The following CORIN variants were observed in gnomAD, a reference collection of about 807,000 sequenced individuals.
The protein encoded by CORIN is corin, serine peptidase.
CORIN carries 117 observed loss-of-function variants against 125.3 expected under a neutral mutation model. The ratio of observed to expected loss-of-function variants is 0.93; its 90% confidence interval spans 0.80 to 1.09. CORIN has a LOEUF of 1.09. CORIN is among the 50% of genes least tolerant of loss of function. CORIN has a pLI of 0.00. For synonymous variants in CORIN, 450 were observed against 466.4 expected, an observed-to-expected ratio of 0.96 and a Z score of 0.45; for missense variants, 1,253 against 1,306.7, an observed-to-expected ratio of 0.96 and a Z score of 0.63.
At chr4:47,600,430 T>C in intron 20 of CORIN, 83 bp from the exon 21 acceptor site, 1 of 834,476 alleles carries the variant, frequency 1.2e-6, no homozygotes, top group Non-Finnish European at 1.7e-6. Flanking sequence ...AAATATGAAA[T>C]GCAAATATAA....
chr4:47,806,093 T>C (rs1265551542), intron 2 of CORIN, among the ~76,000 whole-genome samples: 1 of 152,228 alleles, frequency 6.6e-6, no homozygotes, highest in African/African-American at 2.4e-5. Context: ...ACTTGGTTTC[T>C]GGTTTTTACT....
At chr4:47,777,983 T>C (rs1349082819) in intron 3 of CORIN, among the ~76,000 whole-genome samples, 1 of 152,222 alleles carries the variant, frequency 6.6e-6, no homozygotes, top group African/African-American at 2.4e-5. Context: ...AAAAAGTAAA[T>C]TACATAGTTT....
At chr4:47,667,464 A>G (rs1053746643) in intron 10 of CORIN, among the ~76,000 whole-genome samples, 4 of 152,220 alleles carry the variant, frequency 2.6e-5, no homozygotes, top group African/African-American at 9.6e-5. Context: ...TCGCCCAGGC[A>G]GACCAAAGAC....
intron 1 of CORIN, among the ~76,000 whole-genome samples, chr4:47,836,080 T>C (rs1178519381): frequency 2.6e-5 from 4 of 152,160 alleles, no homozygotes; most frequent in African/African-American, 9.7e-5. Flanking sequence ...CCCAAAATAG[T>C]TCATCCTATT....
chr4:47,698,384 A>G (rs970575235), intron 5 of CORIN, among the ~76,000 whole-genome samples: 5 of 151,886 alleles, frequency 3.3e-5, no homozygotes, highest in Admixed American at 3.3e-4. Context: ...GATTCAAGGA[A>G]GAGCTAGTGC....
At chr4:47,705,974 A>G (rs1305579641) in intron 5 of CORIN, among the ~76,000 whole-genome samples, 1 of 152,272 alleles carries the variant, frequency 6.6e-6, no homozygotes, top group Admixed American at 6.5e-5. Flanking sequence ...ATGAATCCTC[A>G]TAAACCAATA....
At chr4:47,669,452 C>T (rs1221876702) in intron 10 of CORIN, among the ~76,000 whole-genome samples, 1 of 151,696 alleles carries the variant, frequency 6.6e-6, no homozygotes, top group Admixed American at 6.6e-5. Context: ...GGTGAACATC[C>T]TTATAACTAC....
chr4:47,739,785 T>C (rs1728305415), intron 5 of CORIN, among the ~76,000 whole-genome samples: 1 of 151,938 alleles, frequency 6.6e-6, no homozygotes, highest in Non-Finnish European at 1.5e-5. Flanking sequence ...TTTGTATACA[T>C]AATGGTACAA....
chr4:47,804,932 C>G (rs932277493), intron 2 of CORIN, among the ~76,000 whole-genome samples: 2 of 151,228 alleles, frequency 1.3e-5, no homozygotes, highest in East Asian at 3.9e-4. Context: ...GTCAGGAGAT[C>G]GAGACCATCC....
chr4:47,817,000 T>C (rs1271895487), intron 1 of CORIN, among the ~76,000 whole-genome samples: 1 of 152,190 alleles, frequency 6.6e-6, no homozygotes, highest in Admixed American at 6.5e-5. Flanking sequence ...TCAGCTTGAC[T>C]CTCTGGATAC....
intron 16 of CORIN, among the ~76,000 whole-genome samples, chr4:47,631,833 G>A (rs972578827): frequency 1.3e-5 from 2 of 152,150 alleles, no homozygotes; most frequent in African/African-American, 4.8e-5. Context: ...CCTGAAGGCA[G>A]TGCTATACAG....
chr4:47,832,630 A>G (rs1444377960), intron 1 of CORIN, among the ~76,000 whole-genome samples: 1 of 151,746 alleles, frequency 6.6e-6, no homozygotes, highest in Admixed American at 6.6e-5. Flanking sequence ...TATTTTTAGT[A>G]GAGATGGTGT....
At chr4:47,798,070 G>A (rs893480542) in intron 2 of CORIN, among the ~76,000 whole-genome samples, 4 of 152,106 alleles carry the variant, frequency 2.6e-5, no homozygotes, top group Admixed American at 1.3e-4. Context: ...GGAACCATAT[G>A]GACAACTCAG....
intron 2 of CORIN, among the ~76,000 whole-genome samples, chr4:47,799,040 G>A (rs544015835): frequency 7.2e-5 from 11 of 151,798 alleles, no homozygotes; most frequent in Admixed American, 2.0e-4. Flanking sequence ...ATGGCCTCCC[G>A]CTACATCCAT....
chr4:47,603,704 ACT>A (rs1469304076), intron 19 of CORIN, 36 bp from the exon 20 acceptor site: 2 of 1,592,264 alleles, frequency 1.3e-6, no homozygotes, highest in African/African-American at 2.7e-5. Flanking sequence ...GGCATCTTAA[ACT>A]CTAGTTTATC....
chr4:47,680,552 T>C (rs1725230845), intron 7 of CORIN: 2 of 258,886 alleles, frequency 7.7e-6, no homozygotes, highest in Non-Finnish European at 1.5e-5. Flanking sequence ...GTTGTCATTT[T>C]CTTTCCTTAT....
intron 13 of CORIN, among the ~76,000 whole-genome samples, chr4:47,650,474 C>A (rs1279745578): frequency 6.6e-6 from 1 of 152,178 alleles, no homozygotes; most frequent in Non-Finnish European, 1.5e-5. Context: ...TTGTAGCTGA[C>A]CCAAATCGTG....
chr4:47,642,710 T>G (rs1723284456), intron 15 of CORIN: 2 of 659,816 alleles, frequency 3.0e-6, no homozygotes, highest in Admixed American at 7.2e-5. Flanking sequence ...ATGTCTTTAA[T>G]TCCTGTCTGT....
At chr4:47,706,462 C>A (rs911290407) in intron 5 of CORIN, 8 of 1,610,950 alleles carry the variant, frequency 5.0e-6, no homozygotes, top group Non-Finnish European at 6.8e-6. Flanking sequence ...CTGGCAGTAC[C>A]GCCAGCTCTC....
Sources: gnomAD v4.1 joint callset for allele counts (sites outside exome capture counted in the v4.1 genomes callset) on GRCh38, gnomAD v4.1.1 for gene constraint, MANE v1.5 for transcripts, NCBI Gene and HGNC (gene_info 2026-07-23, HGNC 2026-07-21) for gene names.